Variants in CLUAP1 observed in about 807,000 individuals in gnomAD.
CLUAP1 encodes the protein intraflagellar transport 38, also known as clusterin-associated protein 1.
Under a neutral mutation model 55.0 loss-of-function variants are expected in CLUAP1, and 50 were observed. The ratio of observed to expected loss-of-function variants is 0.91; its 90% confidence interval spans 0.72 to 1.15. CLUAP1 has a LOEUF of 1.15. Ranked by LOEUF, CLUAP1 falls within the 50% of genes most tolerant of loss-of-function variation. The probability of loss-of-function intolerance (pLI) is 0.00; values close to 1 mark genes in which losing one functional copy is unlikely to be tolerated. For missense variants in CLUAP1, 530 were observed against 507.6 expected, an observed-to-expected ratio of 1.04 and a Z score of -0.42; for synonymous variants, 195 against 175.4, an observed-to-expected ratio of 1.11 and a Z score of -0.88.
At chr16:3,497,947 G>C (rs533814032), upstream of CLUAP1, among the ~76,000 whole-genome samples, 2 of 152,050 alleles carry the variant, frequency 1.3e-5, no homozygotes, top group Admixed American at 6.6e-5. Context: ...GTGAGCCGCC[G>C]TGCCCAGCCA....
rs2038038451 is a variant in CLUAP1 at position 3,529,600 on chromosome 16, TATTATATATTATATAA to T, written c.929-967_929-952del. Among the ~76,000 whole-genome samples, 4 of 40,798 alleles carry T rather than the reference TATTATATATTATATAA, an allele frequency of 9.8e-5. 1 individual carries two copies. In the South Asian group the frequency reaches 2.4e-3, roughly 24 times the overall value. 26.8% of individuals were successfully genotyped at this position (40,798 alleles called of 152,430 possible). ...TTATATAATATTATATATTATTATA[TATTATATATTATATAA>T]TATTATATATTATATATTATTATAT... On this transcript the variant is annotated intron_variant, in intron 9 of 11. Transcript: ENST00000576634.
At chr16:3,523,880 C>T (rs926336089) in intron 8 of CLUAP1, among the ~76,000 whole-genome samples, 2 of 152,066 alleles carry the variant, frequency 1.3e-5, no homozygotes, top group Admixed American at 6.5e-5. Flanking sequence ...ACAGGAGAAT[C>T]GTTTGAACAT....
At chr16:3,524,557 A>T (rs559996544) in intron 8 of CLUAP1, among the ~76,000 whole-genome samples, 1 of 143,192 alleles carries the variant, frequency 7.0e-6, no homozygotes, top group Non-Finnish European at 1.5e-5. Context: ...AGATTGCGCC[A>T]CTGCACTCTA....
chr16:3,538,949 T>C lies in CLUAP1; in HGVS notation c.*2678T>C, dbSNP rs2038293621. The stretch of plus-strand genomic sequence containing the variant: ...GGTCAAATAGAAAACTAGCAGGCCA[T>C]TGCTGACAATTTTTACTATATAATT... On this transcript the variant is annotated 3_prime_UTR_variant, in exon 12 of 12. Coordinates refer to ENST00000576634, the MANE Select transcript of CLUAP1 (RefSeq NM_015041.3). 6.6e-6 allele frequency: 1 copy of C among 152,274 alleles called. No individual in the cohort carries two copies. Among genetic ancestry groups the C allele is most frequent in the East Asian group, 1.9e-4 (1 of 5,184 alleles). 9.4% of individuals were successfully genotyped at this position (152,274 alleles called of 1,614,324 possible). A position where few individuals can be genotyped will look rare whatever the true frequency, so the allele number is the denominator to read the frequency against.
chr16:3,502,989 C>G (rs968991162), intron 1 of CLUAP1, among the ~76,000 whole-genome samples: 40 of 152,142 alleles, frequency 2.6e-4, no homozygotes, highest in African/African-American at 7.2e-4. Flanking sequence ...GCTTTCTTTT[C>G]TGTTCTTTTT....
In CLUAP1 at chr16:3,536,544, G is replaced by C. The variant is rs187831962; in HGVS notation, c.*273G>C. On this transcript the variant is annotated 3_prime_UTR_variant, in exon 12 of 12. Transcript: ENST00000576634. Reference sequence around the variant, plus strand: ...TGTGTTCTTAGTGATTCACATCCACGGGACAAAAACTCAAGAAGAAATAAG... The same window carrying C: ...TGTGTTCTTAGTGATTCACATCCACCGGACAAAAACTCAAGAAGAAATAAG... 3.6e-6 allele frequency: 1 copy of C among 281,652 alleles called. No homozygotes were observed. Among genetic ancestry groups the C allele is most frequent in the Non-Finnish European group, 6.7e-6 (1 of 150,302 alleles). The allele number at this position is 281,652 out of a possible 1,614,324, so 17.4% of individuals were successfully genotyped here.
chr16:3,532,668 A>C, intron 10 of CLUAP1, 118 bp from the exon 11 acceptor site: 5 of 1,041,968 alleles, frequency 4.8e-6, no homozygotes, highest in Non-Finnish European at 7.2e-6. Context: ...CAGCCTCCCA[A>C]ATTCCTGGGA....
At chr16:3,524,750 C>T (rs926142202) in intron 8 of CLUAP1, among the ~76,000 whole-genome samples, 1 of 152,088 alleles carries the variant, frequency 6.6e-6, no homozygotes, top group African/African-American at 2.4e-5. Context: ...CCTGACCAAC[C>T]ATCTTACAGG....
In CLUAP1 at chr16:3,530,615, A is replaced by G. The variant is rs761592623; in HGVS notation, c.976A>G (p.Ser326Gly). ...CATCCAGGAGGACGATGAATCCGAC[A>G]GTGAGTTGGAAGAAAGGCGGCTGCC... is the stretch of plus-strand genomic sequence containing the variant. ...IDIQEDDESD[S>G]ELEERRLPKP... is the part of the protein sequence containing the mutation. Residue 326 changes from serine to glycine, a missense_variant, in exon 10 of 12, where the codon AGT becomes GGT. By Grantham distance (56) the Ser-to-Gly change is moderately conservative (BLOSUM62 0). Transcript: ENST00000576634. 1.4e-5 allele frequency: 22 copies of G among 1,613,896 alleles called. No individual in the cohort carries two copies. Among genetic ancestry groups the G allele is most frequent in the South Asian group, 3.3e-5 (3 of 91,084 alleles).
At chr16:3,510,286 A>T (rs924028743) in intron 4 of CLUAP1, among the ~76,000 whole-genome samples, 8 of 139,822 alleles carry the variant, frequency 5.7e-5, no homozygotes, top group African/African-American at 2.2e-4. Flanking sequence ...GAGCCACCGC[A>T]CCCGGCTTTG....
Position 3,512,495 on chromosome 16 carries a change from T to C in CLUAP1, c.495+17T>C. On this transcript the variant is annotated intron_variant, in intron 5 of 11. Transcript: ENST00000576634. ...GAGTTGAGGGTAAGCATTCCAGTAC[T>C]TCCTTAACCATGCAGATTTTCTCTT... The C allele has an allele frequency of 4.5e-6, 7 of 1,571,256 alleles. No homozygotes were observed. Among genetic ancestry groups the C allele is most frequent in the Non-Finnish European group, 6.1e-6 (7 of 1,142,130 alleles).
intron 3 of CLUAP1, 61 bp from the exon 4 acceptor site, chr16:3,508,228 T>G: frequency 6.8e-7 from 1 of 1,467,046 alleles, no homozygotes. Context: ...CTACATGGGA[T>G]TTAGTTTAGA....
chr16:3,501,343 T>G (rs2037396794), intron 1 of CLUAP1, among the ~76,000 whole-genome samples: 1 of 152,230 alleles, frequency 6.6e-6, no homozygotes, highest in African/African-American at 2.4e-5. Flanking sequence ...ACGCTTGAAA[T>G]GTGGCTAGTG....
At chr16:3,528,811 A>T (rs927488880) in intron 9 of CLUAP1, among the ~76,000 whole-genome samples, 1 of 151,988 alleles carries the variant, frequency 6.6e-6, no homozygotes, top group Non-Finnish European at 1.5e-5. Context: ...GCATGTGGCT[A>T]TTCGGTTGTC....
upstream of CLUAP1, chr16:3,496,754 C>G (rs962559816): frequency 4.1e-6 from 2 of 493,012 alleles, no homozygotes; most frequent in African/African-American, 4.0e-5. Context: ...ACGGGCCAGC[C>G]GAGGCTACAA....
intron 5 of CLUAP1, among the ~76,000 whole-genome samples, chr16:3,514,390 C>T (rs56107802): frequency 0.096 from 14,517 of 151,842 alleles, 887 homozygotes; most frequent in Non-Finnish European, 0.15. Flanking sequence ...TTCTTTCATT[C>T]AGTAAACATT....
intron 9 of CLUAP1, among the ~76,000 whole-genome samples, chr16:3,529,609 TTATATA>T (rs2038040169): frequency 2.9e-4 from 11 of 38,428 alleles, no homozygotes; most frequent in Non-Finnish European, 4.4e-4. Context: ...ATATTATATA[TTATATA>T]ATATTATATA....
At chr16:3,496,202 T>G, upstream of CLUAP1, 2 of 559,690 alleles carry the variant, frequency 3.6e-6, no homozygotes, top group Non-Finnish European at 3.5e-6. Context: ...AGCGCCATCA[T>G]GGGAGCTGAC....
intron 11 of CLUAP1, chr16:3,534,692 AG>A (rs1438121175): frequency 6.6e-6 from 1 of 152,274 alleles, no homozygotes; most frequent in African/African-American, 2.4e-5. Context: ...ATAGGCTGTT[AG>A]AGAAAGAGAA....
Sources: gnomAD v4.1 joint callset for allele counts (sites outside exome capture counted in the v4.1 genomes callset) on GRCh38, gnomAD v4.1.1 for gene constraint, MANE v1.5 for transcripts, NCBI Gene and HGNC (gene_info 2026-07-23, HGNC 2026-07-21) for gene names.